Variants in GRIN2B observed in about 807,000 individuals in gnomAD.
The protein encoded by GRIN2B is glutamate receptor ionotropic, NMDA 2B.
A neutral mutation model predicts 114.5 loss-of-function variants in GRIN2B; 5 were observed. That is an observed-to-expected ratio of 0.04 (90% confidence interval 0.02 to 0.09). The LOEUF (loss-of-function observed/expected upper bound fraction) is 0.09, where lower values mean the gene tolerates loss of function less well. GRIN2B is among the 10% of genes least tolerant of loss of function. The pLI is 1.00. For synonymous variants in GRIN2B, 787 were observed against 745.1 expected (o/e 1.06, Z -0.92); for missense variants, 1,108 against 1,943.5 (o/e 0.57, Z 8.08).
At chr12:13,790,781 G>C (rs1203279288) in intron 3 of GRIN2B, among the ~76,000 whole-genome samples, 5 of 152,232 alleles carry the variant, frequency 3.3e-5, no homozygotes, top group African/African-American at 1.2e-4. Flanking sequence ...AGCTGTTAAA[G>C]TGAAATTAGG....
At chr12:13,963,529 A>G (rs2136864261) in intron 2 of GRIN2B, among the ~76,000 whole-genome samples, 2 of 152,318 alleles carry the variant, frequency 1.3e-5, no homozygotes, top group Middle Eastern at 6.8e-3. Context: ...GGATATGGAC[A>G]AGAGAGGCAG....
intron 4 of GRIN2B, among the ~76,000 whole-genome samples, chr12:13,698,199 C>A (rs1423689522): frequency 6.6e-6 from 1 of 152,216 alleles, no homozygotes; most frequent in Non-Finnish European, 1.5e-5. Flanking sequence ...TATACTGATG[C>A]AATACCATGC....
intron 4 of GRIN2B, among the ~76,000 whole-genome samples, chr12:13,699,501 G>A (rs1241014050): frequency 1.3e-5 from 2 of 152,052 alleles, no homozygotes; most frequent in East Asian, 3.9e-4. Flanking sequence ...AAACTTGTCT[G>A]TTGAAAACCT....
At chr12:13,798,253 G>GTAGAGT (rs147937036) in intron 3 of GRIN2B, among the ~76,000 whole-genome samples, 5,610 of 151,640 alleles carry the variant, frequency 0.037, 127 homozygotes, top group African/African-American at 0.063. Context: ...ACATATGATT[G>GTAGAGT]TAGAGTTATG....
At chr12:13,869,340 A>G (rs554360595) in intron 2 of GRIN2B, among the ~76,000 whole-genome samples, 21 of 151,352 alleles carry the variant, frequency 1.4e-4, no homozygotes, top group Non-Finnish European at 2.9e-4. Context: ...CCCATAAGGA[A>G]AATGTTTTCC....
intron 2 of GRIN2B, among the ~76,000 whole-genome samples, chr12:13,922,310 G>A (rs187493156): frequency 2.6e-5 from 4 of 152,296 alleles, no homozygotes; most frequent in Non-Finnish European, 5.9e-5. Context: ...TGCCCTGGGT[G>A]TCTGAGCTCA....
At chr12:13,869,515 G>A (rs1865874946) in intron 2 of GRIN2B, among the ~76,000 whole-genome samples, 2 of 151,868 alleles carry the variant, frequency 1.3e-5, no homozygotes, top group African/African-American at 4.8e-5. Flanking sequence ...AACCTGCTGG[G>A]TACCAGATAT....
intron 5 of GRIN2B, among the ~76,000 whole-genome samples, chr12:13,665,147 TTGTGTGTGTGTGTGTGTGTTTGTG>T (rs933838072): frequency 5.9e-4 from 57 of 96,394 alleles, no homozygotes; most frequent in Admixed American, 1.9e-3. Flanking sequence ...GTGTGTGTGT[TTGTGTGTGTGTGTGTGTGTTTGTG>T]TGTGTGTGTG....
At position 13,567,330 on chromosome 12, in the gene GRIN2B, G is replaced by A. The variant is rs61216234; in HGVS notation, c.2360-67C>T. On this transcript the variant is annotated intron_variant, in intron 12 of 13. Transcript: ENST00000609686. Reference sequence around the variant, plus strand: ...ACAGGAAAGGAGCAGAGAAAAGGGAGAAAGAGGAGTATTGAGCAAGAAAGA... The same window carrying A: ...ACAGGAAAGGAGCAGAGAAAAGGGAAAAAGAGGAGTATTGAGCAAGAAAGA... 0.087 allele frequency: 95,535 copies of A among 1,102,764 alleles called. 5,072 individuals carry two copies. Among genetic ancestry groups the A allele is most frequent in the African/African-American group, 0.15 (9,486 of 65,262 alleles). The allele number at this position is 1,102,764 out of a possible 1,614,324, so 68.3% of individuals were successfully genotyped here.
chr12:13,975,655 C>CATTT (rs1489427710), intron 2 of GRIN2B, among the ~76,000 whole-genome samples: 1 of 152,200 alleles, frequency 6.6e-6, no homozygotes, highest in Non-Finnish European at 1.5e-5. Flanking sequence ...TTTCTCTGTT[C>CATTT]ATTTATTTAA....
chr12:13,645,324 G>A (rs1591656493), intron 5 of GRIN2B, among the ~76,000 whole-genome samples: 1 of 152,086 alleles, frequency 6.6e-6, no homozygotes, highest in Non-Finnish European at 1.5e-5. Context: ...GAGCACATAA[G>A]ATGTTTATCA....
intron 3 of GRIN2B, among the ~76,000 whole-genome samples, chr12:13,857,159 G>A (rs1035414023): frequency 2.1e-4 from 32 of 152,270 alleles, no homozygotes; most frequent in African/African-American, 7.2e-4. Flanking sequence ...GCTGAACTGT[G>A]AAAAGAAGGA....
intron 2 of GRIN2B, among the ~76,000 whole-genome samples, chr12:13,942,117 TTTTTC>T (rs1371229100): frequency 2.0e-5 from 3 of 152,196 alleles, no homozygotes; most frequent in Non-Finnish European, 4.4e-5. Context: ...ACCATGTTAC[TTTTTC>T]CATTGGAACC....
chr12:13,876,991 T>A (rs999215320), intron 2 of GRIN2B, among the ~76,000 whole-genome samples: 7 of 152,236 alleles, frequency 4.6e-5, no homozygotes, highest in Admixed American at 3.9e-4. Context: ...AGGGTTATTA[T>A]AACAGAAGGG....
chr12:13,735,982 C>T (rs963233337), intron 4 of GRIN2B, among the ~76,000 whole-genome samples: 2 of 151,878 alleles, frequency 1.3e-5, no homozygotes, highest in African/African-American at 4.8e-5. Context: ...GTCCTTTACA[C>T]GGGATTCAGA....
chr12:13,621,452 CA>C lies in GRIN2B; in HGVS notation c.1126-4796del, dbSNP rs1474594764. On this transcript the variant is annotated intron_variant, in intron 5 of 13. Transcript: ENST00000609686. ...ATGAAGAAAATGACTGTAAAGCACT[CA>C]GAATTCCTTTGAGGTAACTAAACAA... is the stretch of plus-strand genomic sequence containing the variant. 2.0e-5 allele frequency among the ~76,000 whole-genome samples: 3 copies of C among 152,016 alleles called. No individual in the cohort carries two copies. In the East Asian group the frequency reaches 5.8e-4, roughly 29 times the overall value.
chr12:13,923,685 C>G (rs1866860391), intron 2 of GRIN2B, among the ~76,000 whole-genome samples: 1 of 152,140 alleles, frequency 6.6e-6, no homozygotes, highest in Non-Finnish European at 1.5e-5. Context: ...AACAGCCCTG[C>G]TCTCTTGGGT....
At chr12:13,570,051 G>A in intron 11 of GRIN2B, 34 bp from the exon 12 acceptor site, 1 of 1,493,254 alleles carries the variant, frequency 6.7e-7, no homozygotes, top group East Asian at 2.3e-5. Flanking sequence ...ATCCAATGGA[G>A]GAATTTTAGA....
chr12:13,567,318 AGAGAAAAGG>A (rs1161647796), intron 12 of GRIN2B, 55 bp from the exon 13 acceptor site: 27 of 1,288,668 alleles, frequency 2.1e-5, no homozygotes, highest in East Asian at 9.3e-5. Context: ...GGAAAGGAGC[AGAGAAAAGG>A]GAGAAAGAGG....
Sources: allele counts gnomAD v4.1 joint callset (sites outside exome capture counted in the v4.1 genomes callset), GRCh38; gene constraint gnomAD v4.1.1; transcripts MANE v1.5; gene names NCBI Gene and HGNC (gene_info 2026-07-23, HGNC 2026-07-21).